Variants in EXOC6B observed in about 807,000 individuals in gnomAD.
EXOC6B encodes the protein exocyst complex component 6B.
A neutral mutation model predicts 113.5 loss-of-function variants in EXOC6B; 54 were observed. That is an observed-to-expected ratio of 0.48 (90% CI 0.38 to 0.60). The LOEUF is 0.60. Ranked by LOEUF, EXOC6B falls within the 20% of genes least tolerant of loss-of-function variation. EXOC6B has a pLI of 0.00. For missense variants in EXOC6B, 797 were observed against 977.5 expected, an observed-to-expected ratio of 0.82 and a Z score of 2.46; for synonymous variants, 357 against 339.0, an observed-to-expected ratio of 1.05 and a Z score of -0.58.
intron 20 of EXOC6B, among the ~76,000 whole-genome samples, chr2:72,297,078 C>T (rs1034409162): frequency 5.9e-5 from 9 of 152,204 alleles, no homozygotes; most frequent in Admixed American, 5.2e-4. Flanking sequence ...TCCTGAAACC[C>T]TATTCCTTCA....
chr2:72,616,164 T>C (rs1007550616), intron 6 of EXOC6B, among the ~76,000 whole-genome samples: 2 of 152,054 alleles, frequency 1.3e-5, no homozygotes, highest in Admixed American at 6.6e-5. Context: ...AGATATCCCA[T>C]GTTCATGGAT....
At chr2:72,445,506 T>C (rs918763573) in intron 18 of EXOC6B, among the ~76,000 whole-genome samples, 3 of 152,030 alleles carry the variant, frequency 2.0e-5, no homozygotes, top group Non-Finnish European at 4.4e-5. Context: ...TACCCGAGAC[T>C]AGAGAATTTA....
chr2:72,787,011 A>G (rs1316655198), intron 1 of EXOC6B, among the ~76,000 whole-genome samples: 1 of 152,128 alleles, frequency 6.6e-6, no homozygotes, highest in African/African-American at 2.4e-5. Flanking sequence ...AAAAACAAAT[A>G]CAGATACAAC....
At chr2:72,642,757 G>A (rs1177179415) in intron 6 of EXOC6B, among the ~76,000 whole-genome samples, 4 of 151,454 alleles carry the variant, frequency 2.6e-5, no homozygotes, top group African/African-American at 9.8e-5. Flanking sequence ...AGACAAAATT[G>A]ACAAATGGGA....
intron 20 of EXOC6B, among the ~76,000 whole-genome samples, chr2:72,185,578 G>C (rs1558993540): frequency 1.3e-5 from 2 of 152,198 alleles, no homozygotes; most frequent in East Asian, 1.9e-4. Flanking sequence ...TCTGGGCCAG[G>C]ATGGTCCCAA....
intron 20 of EXOC6B, among the ~76,000 whole-genome samples, chr2:72,308,388 A>C (rs898103807): frequency 6.6e-6 from 1 of 152,194 alleles, no homozygotes; most frequent in Non-Finnish European, 1.5e-5. Flanking sequence ...AAACCAAGAG[A>C]CCTAAGAAAT....
chr2:72,415,270 A>C (rs1383918588), intron 18 of EXOC6B, among the ~76,000 whole-genome samples: 3 of 152,056 alleles, frequency 2.0e-5, no homozygotes, highest in African/African-American at 7.2e-5. Flanking sequence ...ATACTTAGCT[A>C]TGGAGATCTG....
At chr2:72,728,491 T>C (rs530750421) in intron 5 of EXOC6B, among the ~76,000 whole-genome samples, 1 of 152,310 alleles carries the variant, frequency 6.6e-6, no homozygotes, top group African/African-American at 2.4e-5. Flanking sequence ...TCAGTAAGGA[T>C]AGTTATAGTA....
At chr2:72,697,812 C>T (rs1447406865) in intron 6 of EXOC6B, among the ~76,000 whole-genome samples, 2 of 152,128 alleles carry the variant, frequency 1.3e-5, no homozygotes, top group Non-Finnish European at 2.9e-5. Flanking sequence ...TCCACCATCC[C>T]ACAATATTTT....
At position 72,178,066 on chromosome 2, in the gene EXOC6B, T is replaced by G. The variant is rs953576792; in HGVS notation, c.*1269A>C. 4.6e-5 allele frequency: 7 copies of G among 152,180 alleles called. No homozygotes were observed. Among genetic ancestry groups the G allele is most frequent in the Non-Finnish European group, 1.0e-4 (7 of 68,056 alleles). The allele number at this position is 152,180 out of a possible 1,614,324, so 9.4% of individuals were successfully genotyped here. On this transcript the variant is annotated 3_prime_UTR_variant, in exon 22 of 22. Coordinates refer to ENST00000272427, the MANE Select transcript of EXOC6B (RefSeq NM_015189.3). ...TGGAGGACAGGATTATAGGCAATCT[T>G]TCTTAGACAAGGCCAAAGATGGCTT...
intron 20 of EXOC6B, among the ~76,000 whole-genome samples, chr2:72,236,707 T>G (rs1559045441): frequency 1.3e-5 from 2 of 152,132 alleles, no homozygotes; most frequent in Non-Finnish European, 2.9e-5. Context: ...ATGGTTATTT[T>G]CCTGGCAACT....
intron 18 of EXOC6B, among the ~76,000 whole-genome samples, chr2:72,409,274 G>A (rs1186241529): frequency 6.6e-6 from 1 of 152,208 alleles, no homozygotes; most frequent in African/African-American, 2.4e-5. Context: ...TGGTGGGACT[G>A]TAAACTAGTT....
intron 6 of EXOC6B, among the ~76,000 whole-genome samples, chr2:72,668,081 G>A (rs573076733): frequency 6.6e-6 from 1 of 152,240 alleles, no homozygotes; most frequent in African/African-American, 2.4e-5. Flanking sequence ...CTCAAAAGAA[G>A]GCCTACAAGT....
intron 1 of EXOC6B, among the ~76,000 whole-genome samples, chr2:72,782,028 T>C: frequency 1.3e-5 from 2 of 150,474 alleles, no homozygotes; most frequent in East Asian, 3.9e-4. Context: ...TAATCCCAGC[T>C]ACTCAAGAAG....
chr2:72,665,593 C>T (rs1675332328), intron 6 of EXOC6B, among the ~76,000 whole-genome samples: 1 of 152,108 alleles, frequency 6.6e-6, no homozygotes, highest in Non-Finnish European at 1.5e-5. Context: ...TAACATCCCA[C>T]CAAACTAAGC....
At chr2:72,595,049 A>C (rs1459862191) in intron 6 of EXOC6B, among the ~76,000 whole-genome samples, 1 of 152,072 alleles carries the variant, frequency 6.6e-6, no homozygotes, top group Non-Finnish European at 1.5e-5. Flanking sequence ...ACTTGAGGTC[A>C]GGAGTTCAAG....
chr2:72,642,568 A>C (rs892721960), intron 6 of EXOC6B, among the ~76,000 whole-genome samples: 17 of 148,608 alleles, frequency 1.1e-4, no homozygotes, highest in Admixed American at 1.0e-3. Context: ...CATATGTAGA[A>C]AGCTGAAACC....
intron 5 of EXOC6B, among the ~76,000 whole-genome samples, chr2:72,720,703 G>A (rs975633480): frequency 6.6e-6 from 1 of 152,086 alleles, no homozygotes; most frequent in Non-Finnish European, 1.5e-5. Flanking sequence ...GCAGTGAGCT[G>A]AGATCAGCCC....
chr2:72,400,798 C>T (rs888320675), intron 18 of EXOC6B, among the ~76,000 whole-genome samples: 2 of 151,742 alleles, frequency 1.3e-5, no homozygotes, highest in Non-Finnish European at 2.9e-5. Flanking sequence ...ACAACAGATA[C>T]TGGTGACAAT....
Sources: gnomAD v4.1 joint callset for allele counts (sites outside exome capture counted in the v4.1 genomes callset) on GRCh38, gnomAD v4.1.1 for gene constraint, MANE v1.5 for transcripts, NCBI Gene and HGNC (gene_info 2026-07-23, HGNC 2026-07-21) for gene names.